GALNT13: variants seen among roughly 807,000 people sequenced by gnomAD.
GALNT13 encodes UDP-GalNAc:polypeptide N-acetylgalactosaminyltransferase 13.
A neutral mutation model predicts 64.2 loss-of-function variants in GALNT13; 28 were observed. The ratio of observed to expected loss-of-function variants is 0.44; its 90% CI spans 0.32 to 0.60. GALNT13 has a LOEUF of 0.60. Among genes scored for constraint, GALNT13 ranks in the 20% least tolerant of loss-of-function variants. The pLI is 0.05. For synonymous variants in GALNT13, 214 were observed against 224.6 expected (o/e 0.95, Z 0.42); for missense variants, 577 against 669.8 (o/e 0.86, Z 1.53).
At chr2:153,360,406 T>G in the GALNT13 span, among the ~76,000 whole-genome samples, 1 of 152,232 alleles carries the variant, frequency 6.6e-6, no homozygotes. Flanking sequence ...CTAAGCCATC[T>G]GAACTCCTTG....
At chr2:153,871,424 A>C (rs1160927421), upstream of GALNT13, among the ~76,000 whole-genome samples, 1 of 152,148 alleles carries the variant, frequency 6.6e-6, no homozygotes, top group Non-Finnish European at 1.5e-5. Context: ...CCGAAGCGTC[A>C]AGTACCCCGC....
At chr2:153,428,083 G>A in the GALNT13 span, among the ~76,000 whole-genome samples, 1 of 152,226 alleles carries the variant, frequency 6.6e-6, no homozygotes, top group Non-Finnish European at 1.5e-5. Flanking sequence ...ATCAAAAGCA[G>A]TGTTGCTTCC....
chr2:154,381,063 C>A (rs1698247377), intron 9 of GALNT13, among the ~76,000 whole-genome samples: 1 of 151,932 alleles, frequency 6.6e-6, no homozygotes, highest in South Asian at 2.1e-4. Context: ...TCATTTTTGT[C>A]CTATTTTCTG....
At chr2:153,476,827 T>C in the GALNT13 span, among the ~76,000 whole-genome samples, 2 of 152,226 alleles carry the variant, frequency 1.3e-5, no homozygotes, top group Non-Finnish European at 2.9e-5. Flanking sequence ...AACGTCACTG[T>C]GTACCTTAGC....
chr2:153,380,389 T>A, the GALNT13 span, among the ~76,000 whole-genome samples: 1 of 152,076 alleles, frequency 6.6e-6, no homozygotes, highest in Non-Finnish European at 1.5e-5. Flanking sequence ...AGAAGATTGC[T>A]TAAGCACAAG....
chr2:153,306,332 G>A, the GALNT13 span, among the ~76,000 whole-genome samples: 40 of 152,274 alleles, frequency 2.6e-4, no homozygotes, highest in Non-Finnish European at 4.7e-4. Flanking sequence ...TTTTCTGTCA[G>A]AATGTATTTA....
intron 3 of GALNT13, among the ~76,000 whole-genome samples, chr2:154,104,793 G>A (rs1702526749): frequency 6.6e-6 from 1 of 152,196 alleles, no homozygotes; most frequent in Non-Finnish European, 1.5e-5. Flanking sequence ...TAGTGATGCA[G>A]TAACATAAAG....
chr2:154,383,754 C>G (rs1435289195), intron 9 of GALNT13, among the ~76,000 whole-genome samples: 1 of 151,782 alleles, frequency 6.6e-6, no homozygotes, highest in Non-Finnish European at 1.5e-5. Flanking sequence ...TTTTCATAAA[C>G]TTATTGCTAT....
chr2:154,154,471 C>T (rs1429248770), intron 4 of GALNT13, among the ~76,000 whole-genome samples: 4 of 152,018 alleles, frequency 2.6e-5, no homozygotes, highest in African/African-American at 9.7e-5. Flanking sequence ...AGAACAAAAA[C>T]ATGATGTGAT....
intron 2 of GALNT13, among the ~76,000 whole-genome samples, chr2:153,907,021 T>G (rs1574086498): frequency 6.6e-6 from 1 of 151,406 alleles, no homozygotes; most frequent in Admixed American, 6.6e-5. Flanking sequence ...TTTTCATGTG[T>G]TTTTTGGCTG....
chr2:154,106,823 T>G (rs1702642901), intron 3 of GALNT13, among the ~76,000 whole-genome samples: 1 of 152,140 alleles, frequency 6.6e-6, no homozygotes, highest in Non-Finnish European at 1.5e-5. Flanking sequence ...GATACGTAAG[T>G]CAAGCTAGTT....
chr2:153,163,119 A>AT, the GALNT13 span, among the ~76,000 whole-genome samples: 1 of 152,050 alleles, frequency 6.6e-6, no homozygotes. Context: ...CATGCTAGAT[A>AT]TTTTTTCATG....
chr2:153,401,773 T>G, the GALNT13 span, among the ~76,000 whole-genome samples: 3 of 150,830 alleles, frequency 2.0e-5, no homozygotes, highest in South Asian at 2.1e-4. Flanking sequence ...GTTTTCCATT[T>G]GCTTGGTAGA....
At chr2:153,688,344 C>T in the GALNT13 span, among the ~76,000 whole-genome samples, 1 of 151,932 alleles carries the variant, frequency 6.6e-6, no homozygotes, top group East Asian at 1.9e-4. Context: ...ACATGAATAG[C>T]TTCAGAGGCT....
intron 4 of GALNT13, among the ~76,000 whole-genome samples, chr2:154,158,949 T>C (rs1684579148): frequency 6.6e-6 from 1 of 152,102 alleles, no homozygotes; most frequent in African/African-American, 2.4e-5. Flanking sequence ...CGTGACACTT[T>C]CTACTCCCTT....
At chr2:153,173,974 G>T in the GALNT13 span, among the ~76,000 whole-genome samples, 1 of 152,156 alleles carries the variant, frequency 6.6e-6, no homozygotes, top group African/African-American at 2.4e-5. Flanking sequence ...AGAAAAAAGG[G>T]TCATGGGTCT....
chr2:153,297,825 G>C, the GALNT13 span, among the ~76,000 whole-genome samples: 5 of 152,214 alleles, frequency 3.3e-5, no homozygotes, highest in African/African-American at 1.2e-4. Context: ...TAGATAGCAA[G>C]AGCAGGTCTC....
chr2:153,618,581 T>A, the GALNT13 span, among the ~76,000 whole-genome samples: 2 of 151,940 alleles, frequency 1.3e-5, no homozygotes, highest in East Asian at 3.9e-4. Context: ...ATTTGTTGAT[T>A]TTCTGTCTGG....
At chr2:154,018,357 C>T (rs1470998783) in intron 3 of GALNT13, among the ~76,000 whole-genome samples, 1 of 152,164 alleles carries the variant, frequency 6.6e-6, no homozygotes, top group East Asian at 1.9e-4. Flanking sequence ...TACCTGGACA[C>T]AGTAATTGTC....
Sources: gnomAD v4.1 joint callset for allele counts (sites outside exome capture counted in the v4.1 genomes callset) on GRCh38, gnomAD v4.1.1 for gene constraint, MANE v1.5 for transcripts, NCBI Gene and HGNC (gene_info 2026-07-23, HGNC 2026-07-21) for gene names.